NLRP5: variants seen among roughly 807,000 people sequenced by gnomAD.
The protein encoded by NLRP5 is NLR family pyrin domain containing 5, also known as NACHT, LRR and PYD domains-containing protein 5.
NLRP5 carries 93 observed loss-of-function variants against 113.1 expected under a neutral mutation model. The ratio of observed to expected loss-of-function variants is 0.82; its 90% confidence interval spans 0.70 to 0.98. The LOEUF (loss-of-function observed/expected upper bound fraction) is 0.98. Ranked by LOEUF, NLRP5 falls within the 50% of genes least tolerant of loss-of-function variation. The probability of loss-of-function intolerance (pLI) is 0.00; values close to 1 mark genes in which losing one functional copy is unlikely to be tolerated. For synonymous variants in NLRP5, 751 were observed against 600.7 expected (o/e 1.25, Z -3.66); for missense variants, 1,808 against 1,514.3 (o/e 1.19, Z -3.22).
chr19:56,027,489 CAG>C lies in NLRP5; in HGVS notation c.1259_1260del (p.Glu420GlyfsTer10), dbSNP rs1199743522. Reference sequence around the variant, plus strand: ...GACGTGGGCACAGAGAAGCTCAAGTCAGAGGTCGTGTCTCCCCGTTACCTGTT... The same window carrying C: ...GACGTGGGCACAGAGAAGCTCAAGTCAGGTCGTGTCTCCCCGTTACCTGTT... On this transcript the variant is annotated frameshift_variant, in exon 7 of 15. Transcript: ENST00000390649. LOFTEE classifies it high-confidence loss of function. 2 of 1,613,918 alleles carry C rather than the reference CAG, an allele frequency of 1.2e-6. No individual in the cohort carries two copies. Among genetic ancestry groups the C allele is most frequent in the Non-Finnish European group, 1.7e-6 (2 of 1,179,858 alleles).
intron 6 of NLRP5, among the ~76,000 whole-genome samples, chr19:56,025,914 A>G (rs1251411101): frequency 2.0e-5 from 3 of 152,184 alleles, no homozygotes; most frequent in East Asian, 3.9e-4. Context: ...TTTCCCACAG[A>G]GTGCCAGGCA....
intron 13 of NLRP5, among the ~76,000 whole-genome samples, 192 bp from the exon 14 acceptor site, chr19:56,058,048 G>A (rs574010808): frequency 2.3e-4 from 34 of 147,116 alleles, no homozygotes; most frequent in Admixed American, 1.5e-3. Flanking sequence ...AAAAAAAGGC[G>A]AATATTTGGG....
rs1185685852 is a variant in NLRP5, at chr19:56,033,618, C to T, written c.2524C>T (p.Leu842Phe). 2 of 1,613,632 alleles carry T rather than the reference C, an allele frequency of 1.2e-6. No homozygotes were observed. Among genetic ancestry groups the T allele is most frequent in the East Asian group, 2.2e-5 (1 of 44,852 alleles). The change falls in exon 9 of 15, where the codon CTC (leucine) becomes TTC (phenylalanine). Residue 842 changes from leucine to phenylalanine, a missense_variant. Coordinates refer to ENST00000390649, the MANE Select transcript of NLRP5 (RefSeq NM_153447.4). The stretch of plus-strand genomic sequence containing the variant: ...CATGGCCAACCGTAACCTAAGATCC[C>T]TCAACTTGGGAGGCACCCACCTGAA...
intron 11 of NLRP5, among the ~76,000 whole-genome samples, chr19:56,042,208 G>T (rs1983547718): frequency 6.6e-6 from 1 of 152,216 alleles, no homozygotes; most frequent in Non-Finnish European, 1.5e-5. Flanking sequence ...CACAAATACA[G>T]AATCCATAAA....
chr19:56,017,832 G>A lies in NLRP5; in HGVS notation c.566-1510G>A, dbSNP rs114914430. ...CCAAAAGCTTAGTCGTTTTTTGCTC[G>A]TTTGTTTGTCTCACTCTGTCTCCCA... On this transcript the variant is annotated intron_variant, in intron 4 of 14. Transcript: ENST00000390649. 9.3e-4 allele frequency among the ~76,000 whole-genome samples: 142 copies of A among 152,226 alleles called. 1 individual carries two copies. The highest frequency in any genetic ancestry group is 3.0e-3 in the African/African-American group (124 of 41,536).
chr19:55,989,551 C>T, the NLRP5 span, among the ~76,000 whole-genome samples: 112 of 152,338 alleles, frequency 7.4e-4, no homozygotes, highest in Non-Finnish European at 1.1e-3. Context: ...CTGCGCCCGG[C>T]CTTTTTCAGT....
intron 10 of NLRP5, among the ~76,000 whole-genome samples, chr19:56,038,607 CA>C (rs1983406263): frequency 1.3e-5 from 2 of 152,074 alleles, no homozygotes; most frequent in South Asian, 4.2e-4. Context: ...TGGTAAAGTC[CA>C]GGCCAGAGCT....
At chr19:56,056,564 C>T (rs12610521) in intron 13 of NLRP5, among the ~76,000 whole-genome samples, 13 of 151,800 alleles carry the variant, frequency 8.6e-5, no homozygotes. Flanking sequence ...TTCTAAAAAA[C>T]AAAAGCATCC....
intron 13 of NLRP5, among the ~76,000 whole-genome samples, chr19:56,055,726 T>A (rs966901065): frequency 1.3e-5 from 2 of 151,510 alleles, no homozygotes; most frequent in Non-Finnish European, 2.9e-5. Flanking sequence ...TTTGTATTTT[T>A]AGTAGAGACG....
chr19:55,999,803 G>C, intron 1 of NLRP5: 1 of 1,608,956 alleles, frequency 6.2e-7, no homozygotes, highest in Non-Finnish European at 8.5e-7. Context: ...CAGCCTCTTA[G>C]AGTTACCTAT....
chr19:56,061,469 G>A lies in NLRP5; in HGVS notation c.3544G>A (p.Val1182Ile), dbSNP rs779422093. 14 of 1,613,894 alleles carry A rather than the reference G, an allele frequency of 8.7e-6. No homozygotes were observed. The highest frequency in any genetic ancestry group is 2.7e-5 in the African/African-American group (2 of 74,944). The stretch of plus-strand genomic sequence containing the variant: ...AGTGCAGCTACTCAAGCCCCGAGTC[G>A]TAATTGACGGTAGTTGGCATTCTTT... Residue 1182 changes from valine to isoleucine, a missense_variant, in exon 15 of 15, where the codon GTA becomes ATA. By Grantham distance (29) the Val-to-Ile change is conservative. Coordinates refer to ENST00000390649, the MANE Select transcript of NLRP5 (RefSeq NM_153447.4).
intron 14 of NLRP5, among the ~76,000 whole-genome samples, chr19:56,058,826 C>T (rs758911604): frequency 9.9e-5 from 15 of 152,112 alleles, no homozygotes; most frequent in Non-Finnish European, 1.6e-4. Flanking sequence ...GTAACCCAGG[C>T]GCTCGTGGAT....
rs34956178 is a variant in NLRP5, at chr19:56,036,058, C to CTTTTTTTTTTTTTT, written c.2616-1958_2616-1945dup. Among the ~76,000 whole-genome samples the CTTTTTTTTTTTTTT allele has an allele frequency of 6.4e-4, 49 of 77,002 alleles. 4 individuals are homozygous for CTTTTTTTTTTTTTT. Among genetic ancestry groups the CTTTTTTTTTTTTTT allele is most frequent in the African/African-American group, 2.3e-3 (41 of 17,614 alleles). 50.5% of individuals were successfully genotyped at this position (77,002 alleles called of 152,430 possible). The stretch of plus-strand genomic sequence containing the variant: ...ACATGCTGATGAATGAATTGAGATT[C>CTTTTTTTTTTTTTT]TTTTTTTTTTTTTTTTTTTTTTGGA... On this transcript the variant is annotated intron_variant, in intron 9 of 14. Coordinates refer to ENST00000390649, the MANE Select transcript of NLRP5 (RefSeq NM_153447.4).
At chr19:55,990,612 G>A in the NLRP5 span, among the ~76,000 whole-genome samples, 3 of 152,026 alleles carry the variant, frequency 2.0e-5, no homozygotes, top group Non-Finnish European at 4.4e-5. Flanking sequence ...GGATCATGAG[G>A]TCAGGAGATC....
rs955978842 is a variant in NLRP5 at position 56,003,939 on chromosome 19, A to G, written c.286A>G (p.Ile96Val). 1 of 1,613,944 alleles carries G rather than the reference A, an allele frequency of 6.2e-7. No individual in the cohort carries two copies. Among genetic ancestry groups the G allele is most frequent in the African/African-American group, 1.3e-5 (1 of 74,956 alleles). The change falls in exon 2 of 15, where the codon ATT becomes GTT. Residue 96 changes from isoleucine to valine, a missense_variant. Coordinates refer to ENST00000390649, the MANE Select transcript of NLRP5 (RefSeq NM_153447.4). ...ATCTTCAGAATCGACCACATGCTCT[A>G]TTCCACAGTTTGAAATCGAGAATGC...
chr19:55,987,731 A>G, the NLRP5 span: 3 of 1,001,590 alleles, frequency 3.0e-6, no homozygotes, highest in Non-Finnish European at 3.2e-6. Context: ...TAGAAAAAGC[A>G]TAGAGACAAA....
intron 3 of NLRP5, among the ~76,000 whole-genome samples, chr19:56,010,792 T>C (rs1420794320): frequency 1.5e-5 from 2 of 136,868 alleles, no homozygotes; most frequent in East Asian, 4.8e-4. Context: ...AAATGCAGTT[T>C]TTTTTTTATC....
chr19:56,008,077 C>T (rs143303194), intron 2 of NLRP5, among the ~76,000 whole-genome samples: 22,125 of 124,142 alleles, frequency 0.18, 3,157 homozygotes, highest in Non-Finnish European at 0.25. Flanking sequence ...TACAGGCGCC[C>T]GCCACCACGC....
rs1208960172 is a variant in NLRP5 at position 56,015,874 on chromosome 19, G to A, written c.565+76G>A. 8 of 1,124,312 alleles carry A rather than the reference G, an allele frequency of 7.1e-6. No individual in the cohort carries two copies. The Admixed American group carries it at 2.0e-4, about 28-fold the overall frequency. The allele number at this position is 1,124,312 out of a possible 1,614,324, so 69.6% of individuals were successfully genotyped here. A position where few individuals can be genotyped will look rare whatever the true frequency, so the allele number is the denominator to read the frequency against. ...TGAGAGAAGTTCATGTAGTTCAAAG[G>A]ACGGGGAAATCCACTTTCCCTTTCT... On this transcript the variant is annotated intron_variant, in intron 4 of 14. Transcript: ENST00000390649.
Sources: gnomAD v4.1 joint callset for allele counts (sites outside exome capture counted in the v4.1 genomes callset) on GRCh38, gnomAD v4.1.1 for gene constraint, MANE v1.5 for transcripts, NCBI Gene and HGNC (gene_info 2026-07-23, HGNC 2026-07-21) for gene names.